Variants in LINGO1 observed in about 807,000 individuals in gnomAD.
LINGO1 encodes the protein leucine rich repeat and Ig domain containing 1.
A neutral mutation model predicts 37.3 loss-of-function variants in LINGO1; 11 were observed. The observed-to-expected ratio is 0.29, with a 90% CI of 0.19 to 0.49. LINGO1 has a LOEUF of 0.49. LINGO1 is among the 20% of genes least tolerant of loss of function. The pLI is 0.99. For missense variants in LINGO1, 585 were observed against 878.2 expected, an observed-to-expected ratio of 0.67 and a Z score of 4.22; for synonymous variants, 387 against 403.0, an observed-to-expected ratio of 0.96 and a Z score of 0.48.
At chr15:77,623,110 G>A (rs552628017) in intron 1 of LINGO1, among the ~76,000 whole-genome samples, 17 of 152,236 alleles carry the variant, frequency 1.1e-4, no homozygotes, top group Non-Finnish European at 2.5e-4. Context: ...CAAATGCTGC[G>A]AGGGGCAGGA....
intron 2 of LINGO1, among the ~76,000 whole-genome samples, chr15:77,731,876 C>T (rs551783344): frequency 1.3e-5 from 2 of 152,304 alleles, no homozygotes; most frequent in South Asian, 4.1e-4. Context: ...GTAACTGACA[C>T]CCAGAGGGAG....
At chr15:77,623,763 T>C (rs16969013) in intron 1 of LINGO1, among the ~76,000 whole-genome samples, 26,714 of 151,824 alleles carry the variant, frequency 0.18, 4,986 homozygotes, top group African/African-American at 0.47. Flanking sequence ...TGTCCTTTGT[T>C]GTGTATAATT....
upstream of LINGO1, among the ~76,000 whole-genome samples, chr15:77,820,560 A>T (rs2077088731): frequency 6.6e-6 from 1 of 152,174 alleles, no homozygotes; most frequent in Non-Finnish European, 1.5e-5. Flanking sequence ...CTCCAGGTGA[A>T]GACACCTGTC....
intron 1 of LINGO1, among the ~76,000 whole-genome samples, chr15:77,625,237 G>C (rs1275784771): frequency 6.6e-6 from 1 of 152,322 alleles, no homozygotes; most frequent in South Asian, 2.1e-4. Flanking sequence ...CCTGGGATTT[G>C]GGATTAGCCA....
chr15:77,705,205 A>ACACC (rs1555532644), intron 2 of LINGO1, among the ~76,000 whole-genome samples: 8 of 145,422 alleles, frequency 5.5e-5, no homozygotes, highest in African/African-American at 2.1e-4. Context: ...ACACACACAC[A>ACACC]CCAGTCCACT....
upstream of LINGO1, among the ~76,000 whole-genome samples, chr15:77,697,065 G>A (rs2075705515): frequency 6.6e-6 from 1 of 152,270 alleles, no homozygotes; most frequent in Admixed American, 6.5e-5. Flanking sequence ...GCAGAGAGGA[G>A]GGCAGGAGCT....
intron 1 of LINGO1, among the ~76,000 whole-genome samples, chr15:77,691,591 T>A (rs939645374): frequency 6.6e-6 from 1 of 151,898 alleles, no homozygotes; most frequent in African/African-American, 2.4e-5. Context: ...CCTCAGCCCC[T>A]CTAGCAAAGC....
intron 1 of LINGO1, among the ~76,000 whole-genome samples, chr15:77,814,223 G>A (rs1384108367): frequency 1.3e-5 from 2 of 152,112 alleles, no homozygotes; most frequent in African/African-American, 4.8e-5. Flanking sequence ...CTCCACCCCA[G>A]AAGTTTGGAA....
chr15:77,653,638 C>T lies in LINGO1; in HGVS notation c.-13+23451G>A, dbSNP rs370484757. Reference sequence around the variant, plus strand: ...TTACCCAGCTGGGAGTGAGGGTGTCCGTCCGCTCTTCCTGCCTTAGCTGCC... The same window carrying T: ...TTACCCAGCTGGGAGTGAGGGTGTCTGTCCGCTCTTCCTGCCTTAGCTGCC... On this transcript the variant is annotated intron_variant, in intron 3 of 3. Transcript: ENST00000559893. Among the ~76,000 whole-genome samples the T allele has an allele frequency of 1.6e-4, 25 of 152,186 alleles. No individual in the cohort carries two copies. The East Asian group carries it at 3.9e-3, about 24-fold the overall frequency.
intron 1 of LINGO1, among the ~76,000 whole-genome samples, chr15:77,805,325 G>T (rs1596247772): frequency 6.6e-6 from 1 of 152,258 alleles, no homozygotes; most frequent in Middle Eastern, 3.4e-3. Context: ...TAAGGGCAGG[G>T]GTGCACCATA....
chr15:77,750,844 AG>A (rs1176332597), intron 1 of LINGO1, among the ~76,000 whole-genome samples: 1 of 152,238 alleles, frequency 6.6e-6, no homozygotes, highest in African/African-American at 2.4e-5. Flanking sequence ...ACTACGTGTC[AG>A]GGCTTGGTAA....
At chr15:77,709,584 G>A (rs933249259) in intron 2 of LINGO1, among the ~76,000 whole-genome samples, 2 of 152,312 alleles carry the variant, frequency 1.3e-5, no homozygotes, top group South Asian at 4.1e-4. Context: ...GTGGTTCAAC[G>A]TCCTGGAAGG....
upstream of LINGO1, among the ~76,000 whole-genome samples, chr15:77,700,595 G>A (rs776793768): frequency 1.3e-5 from 2 of 152,164 alleles, no homozygotes; most frequent in African/African-American, 4.8e-5. Flanking sequence ...ACTGGGGCCC[G>A]AGCCTTGGGC....
At chr15:77,707,815 C>G (rs564657396) in intron 2 of LINGO1, among the ~76,000 whole-genome samples, 1 of 152,272 alleles carries the variant, frequency 6.6e-6, no homozygotes, top group East Asian at 1.9e-4. Context: ...GGATGCCAGG[C>G]AGGAGCACAG....
At chr15:77,797,124 T>C (rs2076880342) in intron 1 of LINGO1, among the ~76,000 whole-genome samples, 1 of 152,172 alleles carries the variant, frequency 6.6e-6, no homozygotes, top group African/African-American at 2.4e-5. Flanking sequence ...GAGGCGTCCA[T>C]GGTGCAGGAC....
chr15:77,632,940 T>G (rs1489741444), upstream of LINGO1, among the ~76,000 whole-genome samples: 7 of 145,278 alleles, frequency 4.8e-5, no homozygotes, highest in African/African-American at 1.5e-4. The surrounding 1 kb of genome is among the most constrained non-coding windows in gnomAD (Gnocchi z 6.0). Flanking sequence ...GGAGGAGGGA[T>G]CGAGGGAGGA....
intron 3 of LINGO1, among the ~76,000 whole-genome samples, chr15:77,660,471 C>T (rs1226234936): frequency 6.6e-6 from 1 of 152,172 alleles, no homozygotes; most frequent in Non-Finnish European, 1.5e-5. Context: ...CAGAGTCTCC[C>T]TTGCTCTCCC....
intron 1 of LINGO1, among the ~76,000 whole-genome samples, chr15:77,813,174 A>G (rs1272265392): frequency 1.3e-5 from 2 of 152,170 alleles, no homozygotes; most frequent in African/African-American, 4.8e-5. Context: ...AAGCTGATAC[A>G]CTGCTCTCAG....
chr15:77,792,218 C>T (rs966290667), intron 2 of LINGO1, among the ~76,000 whole-genome samples: 33 of 152,352 alleles, frequency 2.2e-4, no homozygotes, highest in African/African-American at 7.7e-4. Flanking sequence ...GCCCCATTCC[C>T]AGGCTGGCCC....
Sources: gnomAD v4.1 joint callset for allele counts (sites outside exome capture counted in the v4.1 genomes callset) on GRCh38, gnomAD v4.1.1 for gene constraint, Gnocchi (gnomAD v3.1) non-coding constraint, MANE v1.5 for transcripts, NCBI Gene and HGNC (gene_info 2026-07-23, HGNC 2026-07-21) for gene names.